Variants in ASIC2 observed in about 807,000 individuals in gnomAD.
The protein encoded by ASIC2 is acid-sensing ion channel 2.
A neutral mutation model predicts 57.3 loss-of-function variants in ASIC2; 25 were observed. The observed-to-expected ratio is 0.44, with a 90% CI of 0.32 to 0.61. ASIC2 has a LOEUF of 0.61. Among genes scored for constraint, ASIC2 ranks in the 20% least tolerant of loss-of-function variants. The pLI, the probability that ASIC2 is intolerant of heterozygous loss-of-function variation, is 0.06. For missense variants in ASIC2, 641 were observed against 738.1 expected (o/e 0.87, Z 1.52); for synonymous variants, 319 against 307.5 (o/e 1.04, Z -0.39).
In ASIC2 at chr17:34,148,346, C is replaced by A. The variant is rs7218031; in HGVS notation, c.555+7632G>T. On this transcript the variant is annotated intron_variant, in intron 1 of 9. Coordinates refer to the ASIC2 transcript ENST00000359872. ...AGAATTTTATATACCCCTGAAAGCA[C>A]GACTTCCAGAGAGCTTACAGCTTAA... 3.7e-3 allele frequency among the ~76,000 whole-genome samples: 561 copies of A among 152,138 alleles called. 3 individuals carry two copies. The highest frequency in any genetic ancestry group is 0.013 in the African/African-American group (527 of 41,410).
At chr17:33,147,040 AT>A (rs1904591422) in intron 1 of ASIC2, among the ~76,000 whole-genome samples, 1 of 152,170 alleles carries the variant, frequency 6.6e-6, no homozygotes, top group South Asian at 2.1e-4. Context: ...TACTTGGAAA[AT>A]GTGCTTGCTT....
At chr17:33,564,924 C>T (rs892006977) in intron 1 of ASIC2, among the ~76,000 whole-genome samples, 11 of 152,200 alleles carry the variant, frequency 7.2e-5, no homozygotes, top group South Asian at 2.1e-4. Context: ...TCCTTTAATT[C>T]GCCCATCCCT....
chr17:34,086,001 A>C (rs1357322748), intron 1 of ASIC2, among the ~76,000 whole-genome samples: 1 of 151,750 alleles, frequency 6.6e-6, no homozygotes, highest in Admixed American at 6.6e-5. Flanking sequence ...TCCTGGATTC[A>C]TTAATTTTTT....
intron 3 of ASIC2, among the ~76,000 whole-genome samples, chr17:33,028,950 T>C (rs2091869870): frequency 6.6e-6 from 1 of 152,338 alleles, no homozygotes; most frequent in Admixed American, 6.5e-5. Flanking sequence ...TTCCAAGTCA[T>C]GCTGTAGATG....
At chr17:33,764,181 G>A (rs1910866130) in intron 1 of ASIC2, among the ~76,000 whole-genome samples, 2 of 152,248 alleles carry the variant, frequency 1.3e-5, no homozygotes, top group African/African-American at 4.8e-5. Context: ...GCCAGGCATG[G>A]TGGCGGGCAC....
At chr17:33,470,317 A>G (rs907363050) in intron 1 of ASIC2, among the ~76,000 whole-genome samples, 10 of 152,234 alleles carry the variant, frequency 6.6e-5, no homozygotes, top group African/African-American at 2.4e-4. Context: ...GCCTGTGACC[A>G]GATCCCTTTT....
intron 1 of ASIC2, among the ~76,000 whole-genome samples, chr17:33,456,629 T>A (rs114840428): frequency 2.6e-3 from 395 of 152,328 alleles, no homozygotes; most frequent in African/African-American, 9.2e-3. Context: ...GGGTGGGGCA[T>A]CTGCCAGGTG....
intron 1 of ASIC2, among the ~76,000 whole-genome samples, chr17:33,399,599 G>T (rs565689998): frequency 6.6e-6 from 1 of 152,328 alleles, no homozygotes; most frequent in Non-Finnish European, 1.5e-5. Context: ...CAGGCATAGT[G>T]TCCAGACCTC....
chr17:33,880,979 C>A (rs1914684585), intron 1 of ASIC2, among the ~76,000 whole-genome samples: 1 of 152,092 alleles, frequency 6.6e-6, no homozygotes, highest in African/African-American at 2.4e-5. Context: ...TAAACGTAAT[C>A]CAGCATATAA....
intron 1 of ASIC2, among the ~76,000 whole-genome samples, chr17:33,907,405 G>A (rs1004144649): frequency 6.6e-6 from 1 of 152,172 alleles, no homozygotes; most frequent in Non-Finnish European, 1.5e-5. Context: ...GTCTCACCTT[G>A]CAATTGCCAT....
At chr17:33,486,036 C>T (rs141214941) in intron 1 of ASIC2, among the ~76,000 whole-genome samples, 1,656 of 152,308 alleles carry the variant, frequency 0.011, 27 homozygotes, top group African/African-American at 0.037. Context: ...GCTTCACCTG[C>T]CAACCCAGAG....
At chr17:34,117,229 A>T (rs1911453312) in intron 1 of ASIC2, among the ~76,000 whole-genome samples, 1 of 152,200 alleles carries the variant, frequency 6.6e-6, no homozygotes, top group South Asian at 2.1e-4. Context: ...AAGATGAATA[A>T]GGTCTTATCT....
chr17:33,431,344 C>T (rs927806879), intron 1 of ASIC2, among the ~76,000 whole-genome samples: 4 of 152,080 alleles, frequency 2.6e-5, no homozygotes, highest in African/African-American at 9.7e-5. Flanking sequence ...TGGTGGCTCA[C>T]GCCTGTAATC....
chr17:33,798,417 C>T (rs556526388), intron 1 of ASIC2, among the ~76,000 whole-genome samples: 75 of 152,206 alleles, frequency 4.9e-4, no homozygotes, highest in South Asian at 2.3e-3. Flanking sequence ...TCAGTGGTGA[C>T]GCATGAATTA....
At chr17:33,115,526 T>C (rs2092277575) in intron 1 of ASIC2, among the ~76,000 whole-genome samples, 2 of 152,204 alleles carry the variant, frequency 1.3e-5, no homozygotes, top group East Asian at 3.9e-4. Flanking sequence ...AGCAAGCTCT[T>C]CCCCGCCAGG....
chr17:34,002,875 T>G (rs773499323), intron 1 of ASIC2: 1 of 152,244 alleles, frequency 6.6e-6, no homozygotes, highest in Non-Finnish European at 1.5e-5. Context: ...AATACATTGC[T>G]GTTATCTATC....
intron 3 of ASIC2, among the ~76,000 whole-genome samples, chr17:33,061,524 G>T (rs1390270293): frequency 6.6e-6 from 1 of 152,180 alleles, no homozygotes; most frequent in Non-Finnish European, 1.5e-5. Context: ...ACTTGATCAT[G>T]GTGGATAAGC....
At chr17:33,988,219 G>T (rs935474484) in intron 1 of ASIC2, among the ~76,000 whole-genome samples, 2 of 152,170 alleles carry the variant, frequency 1.3e-5, no homozygotes, top group African/African-American at 4.8e-5. Context: ...AAAATACAAG[G>T]CACTTTCCAG....
chr17:33,169,172 C>A (rs1905413978), intron 1 of ASIC2, among the ~76,000 whole-genome samples: 1 of 152,176 alleles, frequency 6.6e-6, no homozygotes, highest in African/African-American at 2.4e-5. Flanking sequence ...GTGGCTTGAC[C>A]TGCTGGACGG....
Sources: gnomAD v4.1 joint callset for allele counts (sites outside exome capture counted in the v4.1 genomes callset) on GRCh38, gnomAD v4.1.1 for gene constraint, MANE v1.5 for transcripts, NCBI Gene and HGNC (gene_info 2026-07-23, HGNC 2026-07-21) for gene names.